The following CHRM5 variants were observed in gnomAD, a reference collection of about 807,000 sequenced individuals.
The protein encoded by CHRM5 is cholinergic receptor muscarinic 5.
Under a neutral mutation model 39.0 loss-of-function variants are expected in CHRM5, and 18 were observed. That is an observed-to-expected ratio of 0.46 (90% CI 0.32 to 0.68). The LOEUF (loss-of-function observed/expected upper bound fraction) is 0.68. Among genes scored for constraint, CHRM5 ranks in the 30% least tolerant of loss-of-function variants. The pLI is 0.04. For synonymous variants in CHRM5, 241 were observed against 246.3 expected (o/e 0.98, Z 0.20); for missense variants, 515 against 651.1 (o/e 0.79, Z 2.28).
chr15:33,993,705 C>G (rs550657168), intron 1 of CHRM5, among the ~76,000 whole-genome samples: 2 of 152,224 alleles, frequency 1.3e-5, no homozygotes, highest in Non-Finnish European at 2.9e-5. Context: ...ACTGCCAACA[C>G]CACACCTGCT....
At chr15:34,026,156 A>G (rs1280527680) in intron 1 of CHRM5, among the ~76,000 whole-genome samples, 3 of 152,330 alleles carry the variant, frequency 2.0e-5, no homozygotes, top group Middle Eastern at 3.4e-3. Flanking sequence ...AAATGCATAC[A>G]TATACCTTAT....
intron 1 of CHRM5, among the ~76,000 whole-genome samples, chr15:34,014,848 A>T (rs1897812726): frequency 6.6e-6 from 1 of 152,226 alleles, no homozygotes; most frequent in African/African-American, 2.4e-5. Context: ...CTTTTGCCAG[A>T]CAAAACTCCA....
intron 2 of CHRM5, among the ~76,000 whole-genome samples, chr15:34,057,849 A>G (rs1417726610): frequency 6.6e-6 from 1 of 152,240 alleles, no homozygotes; most frequent in East Asian, 1.9e-4. Context: ...TTTTAATCTG[A>G]AGCTGACCAA....
intron 1 of CHRM5, among the ~76,000 whole-genome samples, chr15:34,012,285 C>T (rs1897669502): frequency 1.3e-5 from 2 of 152,170 alleles, no homozygotes; most frequent in South Asian, 4.1e-4. Context: ...CACAGACACA[C>T]ACAATAAGTA....
chr15:34,040,895 G>A (rs556758212), intron 1 of CHRM5, among the ~76,000 whole-genome samples: 9 of 88,266 alleles, frequency 1.0e-4, no homozygotes, highest in African/African-American at 2.9e-4. Flanking sequence ...GAAGGAGACT[G>A]TCTAAAAAAA....
At chr15:34,000,629 A>T (rs1201224728) in intron 1 of CHRM5, among the ~76,000 whole-genome samples, 1 of 152,266 alleles carries the variant, frequency 6.6e-6, no homozygotes, top group East Asian at 1.9e-4. Context: ...CAGCTTACCT[A>T]GAAAACACTG....
At chr15:34,039,501 AGT>A (rs1238012275) in intron 1 of CHRM5, among the ~76,000 whole-genome samples, 2 of 152,334 alleles carry the variant, frequency 1.3e-5, no homozygotes, top group Admixed American at 1.3e-4. Flanking sequence ...TGAGATTTGA[AGT>A]GAGTTAATTT....
intron 1 of CHRM5, among the ~76,000 whole-genome samples, chr15:34,019,627 C>A (rs1223424002): frequency 6.6e-6 from 1 of 152,206 alleles, no homozygotes. Context: ...TCATCCTATA[C>A]ACAGTAATTT....
intron 1 of CHRM5, among the ~76,000 whole-genome samples, chr15:34,035,729 A>T (rs1209118290): frequency 6.6e-6 from 1 of 152,194 alleles, no homozygotes; most frequent in Non-Finnish European, 1.5e-5. Context: ...ACAGCCCATC[A>T]CAAAGATAAA....
chr15:33,988,708 A>G (rs1438245270), intron 1 of CHRM5, among the ~76,000 whole-genome samples: 1 of 152,268 alleles, frequency 6.6e-6, no homozygotes, highest in Non-Finnish European at 1.5e-5. Flanking sequence ...AAAACACTGT[A>G]GAATTATCGC....
At chr15:34,004,166 T>C (rs1171862658) in intron 1 of CHRM5, among the ~76,000 whole-genome samples, 1 of 152,178 alleles carries the variant, frequency 6.6e-6, no homozygotes, top group African/African-American at 2.4e-5. Context: ...AAATCTTAAT[T>C]CAATAGAAAA....
At position 33,983,170 on chromosome 15, in the gene CHRM5, G is replaced by GTGTGTGTATA. The variant is rs796742277; in HGVS notation, c.-408+14021_-408+14022insGTGTGTATAT. Among the ~76,000 whole-genome samples, 11 of 126,606 alleles carry GTGTGTGTATA rather than the reference G, an allele frequency of 8.7e-5. 1 individual carries two copies. The highest frequency in any genetic ancestry group is 6.8e-4 in the East Asian group (3 of 4,390). The allele number at this position is 126,606 out of a possible 152,430, so 83.1% of individuals were successfully genotyped here. A position where few individuals can be genotyped will look rare whatever the true frequency, so the allele number is the denominator to read the frequency against. On this transcript the variant is annotated intron_variant, in intron 1 of 2. Transcript: ENST00000383263. ...TGTGTGTGTGTGTGTATGTGTGTGT[G>GTGTGTGTATA]TATATATACACACGTGTGTGTATGT...
At chr15:34,035,968 A>AT (rs1032072649) in intron 1 of CHRM5, among the ~76,000 whole-genome samples, 1 of 151,478 alleles carries the variant, frequency 6.6e-6, no homozygotes, top group Non-Finnish European at 1.5e-5. Flanking sequence ...GCAGTTTTGT[A>AT]TTTTTTTTAT....
chr15:33,977,819 T>C (rs530384848), intron 1 of CHRM5, among the ~76,000 whole-genome samples: 3 of 152,188 alleles, frequency 2.0e-5, no homozygotes, highest in African/African-American at 4.8e-5. Flanking sequence ...ACCCGTGTAA[T>C]TCTAACACTT....
chr15:34,060,881 T>G (rs920625310), intron 2 of CHRM5, among the ~76,000 whole-genome samples: 1 of 151,232 alleles, frequency 6.6e-6, no homozygotes, highest in African/African-American at 2.4e-5. Context: ...CCGGGCGTGG[T>G]GGCAGGCGCC....
Position 34,065,599 on chromosome 15 carries a change from C to T in CHRM5, c.*1283C>T, listed in dbSNP as rs1900489641. The T allele has an allele frequency of 6.6e-6, 1 of 152,174 alleles. No homozygotes were observed. The highest frequency in any genetic ancestry group is 1.5e-5 in the Non-Finnish European group (1 of 68,020). 9.4% of individuals were successfully genotyped at this position (152,174 alleles called of 1,614,324 possible). A position where few individuals can be genotyped will look rare whatever the true frequency, so the allele number is the denominator to read the frequency against. ...AGGGTGCGATGAAGCTGAAAATGATCTGAAAGCTTCATTTTTAAAAACAAA... is the reference window on the plus strand; with the variant it reads ...AGGGTGCGATGAAGCTGAAAATGATTTGAAAGCTTCATTTTTAAAAACAAA... On this transcript the variant is annotated 3_prime_UTR_variant, in exon 3 of 3. Coordinates refer to ENST00000383263, the MANE Select transcript of CHRM5 (RefSeq NM_012125.4).
Position 34,063,475 on chromosome 15 carries a change from G to T in CHRM5, c.758G>T (p.Cys253Phe), listed in dbSNP as rs1900417743. Residue 253 changes from cysteine (C) to phenylalanine (F), a missense_variant, in exon 3 of 3, where the codon TGC (cysteine) becomes TTC (phenylalanine). Cys to Phe is a radical substitution (Grantham distance 205). Coordinates refer to ENST00000383263, the MANE Select transcript of CHRM5 (RefSeq NM_012125.4). This position sits in a 1 kb window ranked among gnomAD's most constrained non-coding sequence, Gnocchi z 4.1. ...GCTCATAGGGCTCTGTTCAGATCCT[G>T]CTTGCGCTGTCCTCGACCCACCCTG... is the stretch of plus-strand genomic sequence containing the variant. ...KPAHRALFRSCLRCPRPTLAQ... is the reference protein window; with the variant it reads ...KPAHRALFRSFLRCPRPTLAQ... 6.2e-7 allele frequency: 1 copy of T among 1,613,702 alleles called. No individual in the cohort carries two copies. Among genetic ancestry groups the T allele is most frequent in the Non-Finnish European group, 8.5e-7 (1 of 1,180,042 alleles).
At chr15:33,992,414 A>C (rs981614221) in intron 1 of CHRM5, among the ~76,000 whole-genome samples, 1 of 152,034 alleles carries the variant, frequency 6.6e-6, no homozygotes, top group African/African-American at 2.4e-5. Flanking sequence ...AAGAAAATCA[A>C]ATTAGGCCCA....
Position 33,975,440 on chromosome 15 carries a change from T to A in CHRM5, c.-408+6290T>A, listed in dbSNP as rs114760994. ...AAACATTGATCAAGCAACTAAGACC[T>A]AGGATTCAAATAAATTATAAGTTGA... On this transcript the variant is annotated intron_variant, in intron 1 of 2. Coordinates refer to ENST00000383263, the MANE Select transcript of CHRM5 (RefSeq NM_012125.4). Among the ~76,000 whole-genome samples, 552 of 152,316 alleles carry A rather than the reference T, an allele frequency of 3.6e-3. 2 individuals carry two copies. The highest frequency in any genetic ancestry group is 0.013 in the African/African-American group (542 of 41,570).
Sources: allele counts gnomAD v4.1 joint callset (sites outside exome capture counted in the v4.1 genomes callset), GRCh38; gene constraint gnomAD v4.1.1; non-coding constraint Gnocchi (gnomAD v3.1); transcripts MANE v1.5; gene names NCBI Gene and HGNC (gene_info 2026-07-23, HGNC 2026-07-21).